The following XKR5 variants were observed in gnomAD, a reference collection of about 807,000 sequenced individuals.
XKR5 encodes the protein XK related 5.
In XKR5, 46 loss-of-function variants were observed where a neutral mutation model predicts 40.8. The ratio of observed to expected loss-of-function variants is 1.13; its 90% CI spans 0.89 to 1.44. The LOEUF (loss-of-function observed/expected upper bound fraction) is 1.44, where lower values mean the gene tolerates loss of function less well. XKR5 is among the 40% of genes most tolerant of loss of function. The pLI is 0.00. For missense variants in XKR5, 1,169 were observed against 844.7 expected (o/e 1.38, Z -4.76); for synonymous variants, 466 against 356.1 (o/e 1.31, Z -3.48).
intron 1 of XKR5, among the ~76,000 whole-genome samples, chr8:6,834,634 C>G (rs1228493081): frequency 2.0e-5 from 3 of 151,850 alleles, no homozygotes; most frequent in African/African-American, 7.3e-5. Flanking sequence ...CCCGCGAACT[C>G]AGGGAAAAGT....
intron 5 of XKR5, among the ~76,000 whole-genome samples, chr8:6,818,939 G>A (rs986022674): frequency 2.0e-5 from 3 of 152,252 alleles, no homozygotes; most frequent in African/African-American, 4.8e-5. Flanking sequence ...TGACTCGGGA[G>A]GCTGAGGTGG....
At chr8:6,824,832 C>T (rs994129130) in intron 3 of XKR5, among the ~76,000 whole-genome samples, 4 of 152,122 alleles carry the variant, frequency 2.6e-5, no homozygotes, top group Non-Finnish European at 5.9e-5. Flanking sequence ...AAGAATTATT[C>T]TAATGATTAA....
rs573090109 is a variant in XKR5, at chr8:6,831,035, C to T, written c.242+1682G>A. ...CCAGGAAGCTTCTCTAAGTGACCAC[C>T]TGGGCTTACCTCTCTCTTTGGGCTG... is the stretch of plus-strand genomic sequence containing the variant. On this transcript the variant is annotated intron_variant, in intron 2 of 6. Transcript: ENST00000618742. Among the ~76,000 whole-genome samples, 10 of 152,286 alleles carry T rather than the reference C, an allele frequency of 6.6e-5. No individual in the cohort carries two copies. The South Asian group carries it at 2.1e-3, about 32-fold the overall frequency.
At chr8:6,820,769 G>T (rs1244152402) in intron 5 of XKR5, among the ~76,000 whole-genome samples, 1 of 152,108 alleles carries the variant, frequency 6.6e-6, no homozygotes, top group Non-Finnish European at 1.5e-5. Context: ...GCTCTGCCTG[G>T]CTCTATAGCC....
chr8:6,819,350 G>A (rs576792276), intron 5 of XKR5, among the ~76,000 whole-genome samples: 1 of 152,236 alleles, frequency 6.6e-6, no homozygotes, highest in Non-Finnish European at 1.5e-5. Flanking sequence ...TGTGCCAGCA[G>A]GGTGCACATC....
chr8:6,815,209 C>T (rs986263949), intron 6 of XKR5, among the ~76,000 whole-genome samples: 3 of 152,198 alleles, frequency 2.0e-5, no homozygotes, highest in African/African-American at 7.2e-5. Context: ...CTGCGGAACT[C>T]ATGCCAATCT....
At position 6,811,485 on chromosome 8, in the gene XKR5, G is replaced by A; in HGVS notation, c.1774C>T (p.Pro592Ser). The A allele has an allele frequency of 2.6e-6, 4 of 1,528,314 alleles. No individual in the cohort carries two copies. The highest frequency in any genetic ancestry group is 3.5e-6 in the Non-Finnish European group (4 of 1,141,808). The allele number at this position is 1,528,314 out of a possible 1,614,324, so 94.7% of individuals were successfully genotyped here. Residue 592 changes from proline to serine, a missense_variant, in exon 7 of 7, where the codon CCC becomes TCC. Coordinates refer to ENST00000618742, the MANE Select transcript of XKR5 (RefSeq NM_207411.5). The part of the protein sequence containing the change: ...SPHPVGLAPF[P>S]DTMADISPIL... ...GGGCTAATGTCGGCCATGGTGTCGG[G>A]GAAGGGCGCCAAGCCCACTGGGTGG...
rs537542736 is a variant in XKR5 at position 6,833,013 on chromosome 8, A to G, written c.59-113T>C. On this transcript the variant is annotated intron_variant, in intron 1 of 6. Transcript: ENST00000618742. Reference sequence around the variant, plus strand: ...GATGTTATGATGTTCTGACCTCTTAAAATCTTTCTGGCTGGGGAGTGACTG... The same window carrying G: ...GATGTTATGATGTTCTGACCTCTTAGAATCTTTCTGGCTGGGGAGTGACTG... The G allele has an allele frequency of 1.1e-3, 1,135 of 1,011,988 alleles. 21 individuals carry two copies. The South Asian group carries it at 0.022, about 20-fold the overall frequency. 62.7% of individuals were successfully genotyped at this position (1,011,988 alleles called of 1,614,324 possible). A position where few individuals can be genotyped will look rare whatever the true frequency, so the allele number is the denominator to read the frequency against.
intron 4 of XKR5, 75 bp from the exon 5 acceptor site, chr8:6,822,113 G>C: frequency 1.4e-6 from 2 of 1,441,614 alleles, no homozygotes; most frequent in Non-Finnish European, 1.8e-6. Context: ...CAGAGACCAG[G>C]GGCTGGAAGG....
rs377527331 is a variant in XKR5 at position 6,824,403 on chromosome 8, G to A, written c.428-673C>T. ...AAGAAGCAACTGAGAGAAACAGGGA[G>A]AGACATAATGAGAATGTGAATGGCC... On this transcript the variant is annotated intron_variant, in intron 3 of 6. Coordinates refer to ENST00000618742, the MANE Select transcript of XKR5 (RefSeq NM_207411.5). Among the ~76,000 whole-genome samples the A allele has an allele frequency of 3.3e-5, 5 of 152,126 alleles. No individual in the cohort carries two copies. The East Asian group carries it at 7.7e-4, about 23-fold the overall frequency.
rs749391663 is a variant in XKR5 at position 6,812,214 on chromosome 8, G to C, written c.1045C>G (p.Arg349Gly). 4.7e-5 allele frequency: 73 copies of C among 1,551,740 alleles called. No individual in the cohort carries two copies. The East Asian group carries it at 1.8e-3, about 37-fold the overall frequency. Residue 349 changes from arginine (R) to glycine (G), a missense_variant, in exon 7 of 7, where the codon CGG becomes GGG. Physicochemically the swap from Arg to Gly is moderately radical, Grantham distance 125. Coordinates refer to ENST00000618742, the MANE Select transcript of XKR5 (RefSeq NM_207411.5). Reference protein sequence around the residue: ...GDKTERRDSPRATDLAGKRTE... With the variant: ...GDKTERRDSPGATDLAGKRTE... ...CTCTTCCCAGCTAGATCTGTGGCCC[G>C]GGGAGAATCTCTTCTCTCTGTTTTA...
At chr8:6,824,162 C>T (rs756799032) in intron 3 of XKR5, among the ~76,000 whole-genome samples, 21 of 152,070 alleles carry the variant, frequency 1.4e-4, no homozygotes, top group East Asian at 5.8e-4. Context: ...AATAAAAGAA[C>T]GAAAACATCA....
At position 6,825,189 on chromosome 8, in the gene XKR5, A is replaced by T. The variant is rs1422605052; in HGVS notation, c.403T>A (p.Ser135Thr). Reference protein sequence around the residue: ...LLLQTYVFLASDFTDIVPGVS... With the variant: ...LLLQTYVFLATDFTDIVPGVS... ...CCTGGCACAATATCTGTGAAGTCTG[A>T]GGCTAGAAAAACATATGTCTGAAGC... Residue 135 changes from serine to threonine, a missense_variant, in exon 3 of 7, where the codon TCA (serine) becomes ACA (threonine). Coordinates refer to ENST00000618742, the MANE Select transcript of XKR5 (RefSeq NM_207411.5). 3 of 1,613,300 alleles carry T rather than the reference A, an allele frequency of 1.9e-6. No individual in the cohort carries two copies. The highest frequency in any genetic ancestry group is 8.5e-7 in the Non-Finnish European group (1 of 1,179,702).
intron 6 of XKR5, among the ~76,000 whole-genome samples, chr8:6,813,091 G>A (rs1275238046): frequency 6.6e-6 from 1 of 152,212 alleles, no homozygotes; most frequent in African/African-American, 2.4e-5. Flanking sequence ...TAATGCCTGA[G>A]AAGGCCAGGA....
At chr8:6,829,982 C>T (rs917484346) in intron 2 of XKR5, among the ~76,000 whole-genome samples, 6 of 151,724 alleles carry the variant, frequency 4.0e-5, no homozygotes, top group Admixed American at 6.6e-5. Flanking sequence ...GGACTACAGG[C>T]GCCCGCCACC....
chr8:6,827,333 T>A (rs767227393), intron 2 of XKR5, among the ~76,000 whole-genome samples: 69 of 152,310 alleles, frequency 4.5e-4, no homozygotes, highest in Non-Finnish European at 5.4e-4. Context: ...TAGCAACTCC[T>A]GAAGCCAAGC....
At chr8:6,825,586 C>T (rs951364121) in intron 2 of XKR5, among the ~76,000 whole-genome samples, 2 of 151,642 alleles carry the variant, frequency 1.3e-5, no homozygotes, top group African/African-American at 4.8e-5. Context: ...ACGTCTGGTA[C>T]CCCAGTACCT....
rs112714388 is a variant in XKR5 at position 6,810,581 on chromosome 8, G to C, written c.*617C>G. 2 of 152,336 alleles carry C rather than the reference G, an allele frequency of 1.3e-5. No individual in the cohort carries two copies. The highest frequency in any genetic ancestry group is 4.8e-5 in the African/African-American group (2 of 41,538). 9.4% of individuals were successfully genotyped at this position (152,336 alleles called of 1,614,324 possible). A position where few individuals can be genotyped will look rare whatever the true frequency, so the allele number is the denominator to read the frequency against. ...AATGTGTGCATGTGCCCTTAGCATG[G>C]GTGAGGCTGAGCTAAGTGAGTCTAC... On this transcript the variant is annotated 3_prime_UTR_variant, in exon 7 of 7. Transcript: ENST00000618742.
At chr8:6,829,826 C>CTTTTTTTT (rs140715953) in intron 2 of XKR5, among the ~76,000 whole-genome samples, 2 of 63,530 alleles carry the variant, frequency 3.1e-5, no homozygotes, top group Non-Finnish European at 2.7e-5. Flanking sequence ...CAAATTCTTG[C>CTTTTTTTT]TTTTTTTTTT....
Sources: gnomAD v4.1 joint callset for allele counts (sites outside exome capture counted in the v4.1 genomes callset) on GRCh38, gnomAD v4.1.1 for gene constraint, MANE v1.5 for transcripts, NCBI Gene and HGNC (gene_info 2026-07-23, HGNC 2026-07-21) for gene names.